The following FIGNL2 variants were observed in gnomAD, a reference collection of about 807,000 sequenced individuals.
The protein encoded by FIGNL2 is fidgetin like 2.
For missense variants in FIGNL2, 1,060 were observed against 950.2 expected (o/e 1.12, Z -1.52); for synonymous variants, 565 against 484.0 (o/e 1.17, Z -2.20).
In FIGNL2 at chr12:51,821,578, C is replaced by A; in HGVS notation, c.836G>T (p.Arg279Leu). The A allele has an allele frequency of 1.3e-6, 2 of 1,525,924 alleles. No individual in the cohort carries two copies. The highest frequency in any genetic ancestry group is 1.7e-6 in the Non-Finnish European group (2 of 1,143,884). The allele number at this position is 1,525,924 out of a possible 1,614,324, so 94.5% of individuals were successfully genotyped here. Residue 279 changes from arginine to leucine, a missense_variant, in exon 2 of 2, where the codon CGC becomes CTC. Transcript: ENST00000618634. Reference protein sequence around the residue: ...AADEGPEGRYRKYAYEPAKAP... With the variant: ...AADEGPEGRYLKYAYEPAKAP... Reference sequence around the variant, plus strand: ...CTTGGCGGGCTCGTACGCGTACTTGCGGTAGCGGCCCTCGGGCCCCTCGTC... The same window carrying A: ...CTTGGCGGGCTCGTACGCGTACTTGAGGTAGCGGCCCTCGGGCCCCTCGTC...
At chr12:51,839,406 C>G (rs151014883) in intron 1 of FIGNL2, among the ~76,000 whole-genome samples, 20 of 152,290 alleles carry the variant, frequency 1.3e-4, no homozygotes, top group Non-Finnish European at 2.4e-4. Context: ...GGTTAACACT[C>G]TCTCTAAAAC....
chr12:51,847,443 C>A, intron 1 of FIGNL2: 34 of 985,480 alleles, frequency 3.5e-5, no homozygotes, highest in Non-Finnish European at 4.1e-5. Context: ...CCCGTGCGGA[C>A]AACACAAACA....
rs1211689473 is a variant in FIGNL2, at chr12:51,848,691, TGCGGCCGCC to T, written c.-172_-164del. The stretch of plus-strand genomic sequence containing the variant: ...CTGGAGCCGCTGCTGCTGCGGCTGC[TGCGGCCGCC>T]GCGGGCGGGAGCGGGACTGGGCAGT... On this transcript the variant is annotated 5_prime_UTR_variant, in exon 1 of 2. Transcript: ENST00000618634. The T allele has an allele frequency of 3.3e-6, 1 of 303,664 alleles. No individual in the cohort carries two copies. The highest frequency in any genetic ancestry group is 4.8e-6 in the Non-Finnish European group (1 of 207,024). The allele number at this position is 303,664 out of a possible 1,614,324, so 18.8% of individuals were successfully genotyped here.
At chr12:51,834,372 C>T (rs142365793) in intron 1 of FIGNL2, among the ~76,000 whole-genome samples, 57 of 152,216 alleles carry the variant, frequency 3.7e-4, no homozygotes, top group African/African-American at 1.3e-3. Flanking sequence ...CTCCACAGGG[C>T]CTCTTTCTCT....
rs1041203680 is a variant in FIGNL2 at position 51,820,959 on chromosome 12, G to A, written c.1455C>T (p.Pro485=). Residue 485 remains proline, a synonymous_variant, in exon 2 of 2, where the codon CCC becomes CCT. Coordinates refer to ENST00000618634, the MANE Select transcript of FIGNL2 (RefSeq NM_001384995.1). ...CTAGCTCGCTGATGAGGAGTACGGA[G>A]GGTGGGCGGCAGCGCGCGGCCGCGA... ...AAFAAARCRP[P]SVLLISELEA... 9.4e-5 allele frequency: 116 copies of A among 1,235,662 alleles called. 1 individual carries two copies. The highest frequency in any genetic ancestry group is 7.3e-4 in the African/African-American group (46 of 63,386). The allele number at this position is 1,235,662 out of a possible 1,614,324, so 76.5% of individuals were successfully genotyped here.
intron 1 of FIGNL2, chr12:51,845,464 C>G (rs1592197135): frequency 1.0e-6 from 1 of 984,588 alleles, no homozygotes; most frequent in Non-Finnish European, 1.2e-6. Context: ...CTCACCGCCC[C>G]CCCCCCACAG....
chr12:51,824,382 G>A (rs1320781879), intron 1 of FIGNL2: 1 of 152,232 alleles, frequency 6.6e-6, no homozygotes, highest in Non-Finnish European at 1.5e-5. Context: ...CACCCCTGTT[G>A]ATGCTCTCTA....
At chr12:51,840,610 C>T (rs556655573) in intron 1 of FIGNL2, among the ~76,000 whole-genome samples, 2 of 152,290 alleles carry the variant, frequency 1.3e-5, no homozygotes, top group East Asian at 3.9e-4. Context: ...TGGCACATGC[C>T]TGTAATCCCA....
At chr12:51,845,469 C>G (rs932147076) in intron 1 of FIGNL2, 1 of 985,274 alleles carries the variant, frequency 1.0e-6, no homozygotes, top group Non-Finnish European at 1.2e-6. Context: ...CGCCCCCCCC[C>G]CACAGTCTCT....
chr12:51,840,828 G>A (rs1196787822), intron 1 of FIGNL2, among the ~76,000 whole-genome samples: 1 of 152,206 alleles, frequency 6.6e-6, no homozygotes, highest in Non-Finnish European at 1.5e-5. Context: ...GAGTCTCTTG[G>A]AGGGCCCCAC....
intron 1 of FIGNL2, among the ~76,000 whole-genome samples, chr12:51,827,599 A>G (rs1211963987): frequency 6.6e-6 from 1 of 152,206 alleles, no homozygotes; most frequent in African/African-American, 2.4e-5. Flanking sequence ...TAATGTATAT[A>G]ATGGACACAG....
In FIGNL2 at chr12:51,820,191, C is replaced by T. The variant is rs1939137286; in HGVS notation, c.*261G>A. 1 of 491,062 alleles carries T rather than the reference C, an allele frequency of 2.0e-6. No homozygotes were observed. Among genetic ancestry groups the T allele is most frequent in the South Asian group, 2.3e-5 (1 of 44,186 alleles). The allele number at this position is 491,062 out of a possible 1,614,324, so 30.4% of individuals were successfully genotyped here. On this transcript the variant is annotated 3_prime_UTR_variant, in exon 2 of 2. Transcript: ENST00000618634. The stretch of plus-strand genomic sequence containing the variant: ...GGTGCCAGCCCATGCCGGATCTGCC[C>T]GGTCTGCCGGGCGGAGATGGCGAGC...
Position 51,821,677 on chromosome 12 carries a change from G to A in FIGNL2, c.737C>T (p.Pro246Leu), listed in dbSNP as rs1288231333. The A allele has an allele frequency of 6.5e-6, 9 of 1,390,814 alleles. No homozygotes were observed. Among genetic ancestry groups the A allele is most frequent in the Non-Finnish European group, 8.3e-6 (9 of 1,081,190 alleles). The allele number at this position is 1,390,814 out of a possible 1,614,324, so 86.2% of individuals were successfully genotyped here. Reference protein sequence around the residue: ...PAPTPLPAPAPPTAYGFPTAA... With the variant: ...PAPTPLPAPALPTAYGFPTAA... ...CGTGGGGAAGCCATAGGCGGTGGGC[G>A]GTGCCGGCGCGGGCAGGGGCGTGGG... Residue 246 changes from proline (P) to leucine (L), a missense_variant, in exon 2 of 2, where the codon CCG becomes CTG. Transcript: ENST00000618634.
At position 51,820,413 on chromosome 12, in the gene FIGNL2, C is replaced by T; in HGVS notation, c.*39G>A. The T allele has an allele frequency of 6.4e-7, 1 of 1,559,492 alleles. No individual in the cohort carries two copies. The highest frequency in any genetic ancestry group is 1.8e-5 in the Admixed American group (1 of 54,258). On this transcript the variant is annotated 3_prime_UTR_variant, in exon 2 of 2. Coordinates refer to ENST00000618634, the MANE Select transcript of FIGNL2 (RefSeq NM_001384995.1). Reference sequence around the variant, plus strand: ...CCCTCCCACGCGGAGGCGGCGGGGACGGAGGGACTGCGGCTCCCGCGGCCT... The same window carrying T: ...CCCTCCCACGCGGAGGCGGCGGGGATGGAGGGACTGCGGCTCCCGCGGCCT...
Position 51,848,576 on chromosome 12 carries a change from G to C in FIGNL2, c.-48C>G, listed in dbSNP as rs2139008021. 1 of 982,712 alleles carries C rather than the reference G, an allele frequency of 1.0e-6. No homozygotes were observed. Among genetic ancestry groups the C allele is most frequent in the East Asian group, 1.2e-4 (1 of 8,686 alleles). 60.9% of individuals were successfully genotyped at this position (982,712 alleles called of 1,614,324 possible). On this transcript the variant is annotated 5_prime_UTR_variant, in exon 1 of 2. Coordinates refer to ENST00000618634, the MANE Select transcript of FIGNL2 (RefSeq NM_001384995.1). ...GGCCGGGTCCTAGGTGAGTGTGCGCGGCCTGGGGGCGCGTCCGGCCCGGGG... is the reference window on the plus strand; with the variant it reads ...GGCCGGGTCCTAGGTGAGTGTGCGCCGCCTGGGGGCGCGTCCGGCCCGGGG...
intron 1 of FIGNL2, among the ~76,000 whole-genome samples, chr12:51,836,355 C>T (rs1345286006): frequency 6.6e-6 from 1 of 152,144 alleles, no homozygotes; most frequent in East Asian, 1.9e-4. Context: ...CACCCCTCCC[C>T]CACCCCGCCC....
At chr12:51,836,703 C>T (rs1939584201) in intron 1 of FIGNL2, among the ~76,000 whole-genome samples, 1 of 152,122 alleles carries the variant, frequency 6.6e-6, no homozygotes, top group African/African-American at 2.4e-5. Context: ...TGAATAAGCC[C>T]CCACCATGTC....
intron 1 of FIGNL2, chr12:51,847,600 G>C: frequency 1.0e-6 from 1 of 984,702 alleles, no homozygotes; most frequent in Non-Finnish European, 1.2e-6. Flanking sequence ...CCGGGCCGCC[G>C]CTGGGCGCAG....
rs1445415150 is a variant in FIGNL2, at chr12:51,820,699, G to A, written c.1715C>T (p.Ala572Val). The change falls in exon 2 of 2, where the codon GCC becomes GTC. Residue 572 changes from alanine (A) to valine (V), a missense_variant. Coordinates refer to ENST00000618634, the MANE Select transcript of FIGNL2 (RefSeq NM_001384995.1). ...ARGQILQRAL[A>V]QQGCALSERE... ...CTCACTGAGCGCGCAGCCCTGCTGG[G>A]CCAGCGCCCGCTGCAGGATCTGCCC... 30 of 1,488,856 alleles carry A rather than the reference G, an allele frequency of 2.0e-5. No homozygotes were observed. The Admixed American group carries it at 6.8e-4, about 34-fold the overall frequency. 92.2% of individuals were successfully genotyped at this position (1,488,856 alleles called of 1,614,324 possible). A position where few individuals can be genotyped will look rare whatever the true frequency, so the allele number is the denominator to read the frequency against.
Sources: allele counts gnomAD v4.1 joint callset (sites outside exome capture counted in the v4.1 genomes callset), GRCh38; gene constraint gnomAD v4.1.1; transcripts MANE v1.5; gene names NCBI Gene and HGNC (gene_info 2026-07-23, HGNC 2026-07-21).